Variants in GMCL1 observed in about 807,000 individuals in gnomAD.
The protein encoded by GMCL1 is germ cell-less 1, spermatogenesis associated, also known as germ cell-less protein-like 1.
Under a neutral mutation model 75.5 loss-of-function variants are expected in GMCL1, and 54 were observed. That is an observed-to-expected ratio of 0.71 (90% CI 0.57 to 0.90). GMCL1 has a LOEUF of 0.90. Among genes scored for constraint, GMCL1 ranks in the 40% least tolerant of loss-of-function variants. The probability of loss-of-function intolerance (pLI) is 0.00; values close to 1 mark genes in which losing one functional copy is unlikely to be tolerated. For missense variants in GMCL1, 537 were observed against 622.7 expected, an observed-to-expected ratio of 0.86 and a Z score of 1.47; for synonymous variants, 210 against 209.6, an observed-to-expected ratio of 1.00 and a Z score of -0.02.
At chr2:69,843,477 A>G (rs946079400) in intron 5 of GMCL1, among the ~76,000 whole-genome samples, 4 of 152,198 alleles carry the variant, frequency 2.6e-5, no homozygotes, top group Admixed American at 2.0e-4. Flanking sequence ...GGTGGGTTAT[A>G]TACATGCTTA....
chr2:69,866,173 G>A (rs766534120), intron 11 of GMCL1, among the ~76,000 whole-genome samples: 5 of 151,374 alleles, frequency 3.3e-5, no homozygotes, highest in African/African-American at 9.7e-5. Flanking sequence ...GCTTGAACTC[G>A]TAAGGCAGAC....
At chr2:69,832,001 A>C (rs1016754030) in intron 1 of GMCL1, among the ~76,000 whole-genome samples, 1 of 152,150 alleles carries the variant, frequency 6.6e-6, no homozygotes, top group Middle Eastern at 3.2e-3. Flanking sequence ...CAGACAGATC[A>C]CCTGAGGTCA....
intron 8 of GMCL1, 148 bp from the exon 9 acceptor site, chr2:69,854,675 C>G (rs1033824440): frequency 3.2e-6 from 2 of 621,528 alleles, no homozygotes; most frequent in Admixed American, 6.8e-5. Context: ...TATCTGTAAA[C>G]CTAAGGTTTA....
intron 10 of GMCL1, among the ~76,000 whole-genome samples, chr2:69,863,477 C>G (rs560909732): frequency 6.6e-6 from 1 of 152,224 alleles, no homozygotes; most frequent in African/African-American, 2.4e-5. Flanking sequence ...GTCTATGTTG[C>G]CAAGAGGGTT....
chr2:69,877,706 TTGTGTGTG>T (rs10549628), intron 13 of GMCL1, among the ~76,000 whole-genome samples: 32 of 149,942 alleles, frequency 2.1e-4, no homozygotes, highest in South Asian at 1.1e-3. Context: ...GATTGTGTGT[TTGTGTGTG>T]TGTGTGTGTG....
intron 4 of GMCL1, among the ~76,000 whole-genome samples, chr2:69,842,502 G>A (rs188319691): frequency 2.0e-3 from 299 of 152,042 alleles, no homozygotes; most frequent in African/African-American, 7.0e-3. Context: ...TTCACCTTCT[G>A]CTTACTTTTA....
Position 69,830,368 on chromosome 2 carries a change from T to C in GMCL1, c.260+216T>C, listed in dbSNP as rs142122764. ...GTTCCGCATTTTCAACCACAGACGC[T>C]TCCAGGGTGTTGTTACAGCCCCAAG... On this transcript the variant is annotated intron_variant, in intron 1 of 13. Coordinates refer to ENST00000282570, the MANE Select transcript of GMCL1 (RefSeq NM_178439.5). Among the ~76,000 whole-genome samples the C allele has an allele frequency of 4.5e-3, 688 of 152,266 alleles. 7 individuals are homozygous for C. Among genetic ancestry groups the C allele is most frequent in the African/African-American group, 0.014 (593 of 41,554 alleles).
At chr2:69,872,196 G>A (rs921819888) in intron 13 of GMCL1, among the ~76,000 whole-genome samples, 10 of 152,058 alleles carry the variant, frequency 6.6e-5, no homozygotes, top group African/African-American at 2.2e-4. Context: ...TTCACAGCAG[G>A]CATCTTAAAG....
chr2:69,838,057 A>G (rs1324274510), intron 2 of GMCL1, among the ~76,000 whole-genome samples: 2 of 152,178 alleles, frequency 1.3e-5, no homozygotes, highest in Non-Finnish European at 2.9e-5. Context: ...TGTAGTTCAC[A>G]TTGAGTGTGA....
At chr2:69,837,714 T>C (rs774896546) in intron 2 of GMCL1, 44 bp downstream of exon 2, 2 of 1,568,062 alleles carry the variant, frequency 1.3e-6, no homozygotes, top group East Asian at 2.3e-5. Flanking sequence ...TCACTGAAAC[T>C]CTTAAGTCAT....
chr2:69,880,875 A>C lies in GMCL1; in HGVS notation c.*1871A>C, dbSNP rs1209479307. 3.3e-5 allele frequency: 5 copies of C among 149,552 alleles called. No homozygotes were observed. The highest frequency in any genetic ancestry group is 7.4e-5 in the Non-Finnish European group (5 of 67,578). 9.3% of individuals were successfully genotyped at this position (149,552 alleles called of 1,614,324 possible). A position where few individuals can be genotyped will look rare whatever the true frequency, so the allele number is the denominator to read the frequency against. On this transcript the variant is annotated 3_prime_UTR_variant, in exon 14 of 14. Transcript: ENST00000282570. Reference sequence around the variant, plus strand: ...AAAAAAAAAAAAAAAAAAAGAGGCTACTGTACTTATTTTTATATTTGACTA... The same window carrying C: ...AAAAAAAAAAAAAAAAAAAGAGGCTCCTGTACTTATTTTTATATTTGACTA...
chr2:69,858,113 G>A (rs975084202), intron 9 of GMCL1, among the ~76,000 whole-genome samples: 2 of 152,154 alleles, frequency 1.3e-5, no homozygotes, highest in African/African-American at 4.8e-5. Context: ...GATCACAGCT[G>A]CAGATCAGAT....
At chr2:69,840,792 TTTAA>T in intron 3 of GMCL1, 146 bp from the exon 4 acceptor site, 1 of 475,110 alleles carries the variant, frequency 2.1e-6, no homozygotes, top group Non-Finnish European at 3.7e-6. Flanking sequence ...TTACTAGCGT[TTTAA>T]TTAGAGATAC....
rs746917421 is a variant in GMCL1, at chr2:69,869,754, C to T, written c.1254C>T (p.Phe418=). 7 of 1,613,930 alleles carry T rather than the reference C, an allele frequency of 4.3e-6. No homozygotes were observed. The highest frequency in any genetic ancestry group is 2.7e-5 in the African/African-American group (2 of 74,996). The change falls in exon 12 of 14, where the codon TTC becomes TTT. Residue 418 remains phenylalanine, a synonymous_variant. Coordinates refer to ENST00000282570, the MANE Select transcript of GMCL1 (RefSeq NM_178439.5). ...CWRWTGFNFG[F]DLLVTYTNRY... ...GTTGGACAGGTTTTAACTTCGGCTT[C>T]GACCTACTTGTAACTTACACCAATC...
At position 69,849,746 on chromosome 2, in the gene GMCL1, G is replaced by A. The variant is rs1675258688; in HGVS notation, c.934+4G>A. The A allele has an allele frequency of 4.5e-6, 7 of 1,547,634 alleles. No homozygotes were observed. In the African/African-American group the frequency reaches 8.3e-5, roughly 18 times the overall value. On this transcript the variant is annotated splice_donor_region_variant and intron_variant, in intron 8 of 13. Coordinates refer to ENST00000282570, the MANE Select transcript of GMCL1 (RefSeq NM_178439.5). Reference sequence around the variant, plus strand: ...TGGTTTTCTAAACAGAGGAAAGGTAGGCCTGAAGTTTTTGAGAACTTGTCT... The same window carrying A: ...TGGTTTTCTAAACAGAGGAAAGGTAAGCCTGAAGTTTTTGAGAACTTGTCT...
chr2:69,854,712 G>C, intron 8 of GMCL1, 111 bp from the exon 9 acceptor site: 1 of 790,716 alleles, frequency 1.3e-6, no homozygotes, highest in South Asian at 2.1e-5. Context: ...TTTAAAACTA[G>C]CTTATTTTGT....
At chr2:69,844,063 T>A in intron 5 of GMCL1, 68 bp from the exon 6 acceptor site, 1 of 703,284 alleles carries the variant, frequency 1.4e-6, no homozygotes. Context: ...TTATTTTAAC[T>A]ATAAGTCCTA....
At chr2:69,839,222 T>C (rs755242974) in intron 2 of GMCL1, among the ~76,000 whole-genome samples, 6 of 152,244 alleles carry the variant, frequency 3.9e-5, no homozygotes, top group Non-Finnish European at 5.9e-5. Context: ...ATAAGAATTT[T>C]AGTTTTTTGT....
At chr2:69,850,256 G>C (rs778653214) in intron 8 of GMCL1, among the ~76,000 whole-genome samples, 46 of 152,156 alleles carry the variant, frequency 3.0e-4, no homozygotes, top group Non-Finnish European at 6.5e-4. Context: ...ATTCTTAGTG[G>C]AGACTGATCT....
Sources: gnomAD v4.1 joint callset for allele counts (sites outside exome capture counted in the v4.1 genomes callset) on GRCh38, gnomAD v4.1.1 for gene constraint, MANE v1.5 for transcripts, NCBI Gene and HGNC (gene_info 2026-07-23, HGNC 2026-07-21) for gene names.